Variants in LUC7L2 observed in about 807,000 individuals in gnomAD.
LUC7L2 encodes the protein putative RNA-binding protein Luc7-like 2.
Under a neutral mutation model 52.8 loss-of-function variants are expected in LUC7L2, and 25 were observed. That is an observed-to-expected ratio of 0.47 (90% CI 0.34 to 0.66). The LOEUF (loss-of-function observed/expected upper bound fraction) is 0.66. Among genes scored for constraint, LUC7L2 ranks in the 30% least tolerant of loss-of-function variants. LUC7L2 has a pLI of 0.01. For missense variants in LUC7L2, 328 were observed against 497.8 expected (o/e 0.66, Z 3.25); for synonymous variants, 144 against 160.9 (o/e 0.89, Z 0.80).
intron 1 of LUC7L2, among the ~76,000 whole-genome samples, chr7:139,366,434 C>T (rs1235774472): frequency 1.3e-5 from 2 of 152,172 alleles, no homozygotes; most frequent in East Asian, 3.8e-4. Flanking sequence ...CTGTTCTGTA[C>T]TGTGCTCTAG....
At chr7:139,349,538 T>C (rs1230997403) in intron 1 of LUC7L2, among the ~76,000 whole-genome samples, 2 of 152,032 alleles carry the variant, frequency 1.3e-5, no homozygotes, top group African/African-American at 4.8e-5. Flanking sequence ...AGTCTAGTGA[T>C]AAGTGATAAA....
chr7:139,353,112 G>A (rs1237949375), intron 1 of LUC7L2, among the ~76,000 whole-genome samples: 1 of 152,006 alleles, frequency 6.6e-6, no homozygotes. Flanking sequence ...GCAGAGAATC[G>A]CTTAAACCTG....
At chr7:139,341,539 C>G (rs1437669638) in intron 1 of LUC7L2, 9 of 1,607,112 alleles carry the variant, frequency 5.6e-6, no homozygotes, top group African/African-American at 1.3e-5. Context: ...GAGCCATGTC[C>G]CGGGTGCTCT....
intron 1 of LUC7L2, chr7:139,374,947 A>G: frequency 3.0e-6 from 3 of 988,292 alleles, no homozygotes; most frequent in Non-Finnish European, 3.6e-6. Context: ...CTCCAGGCAT[A>G]TCATGTGAAA....
intron 2 of LUC7L2, among the ~76,000 whole-genome samples, chr7:139,394,068 A>T (rs1230468808): frequency 6.6e-6 from 1 of 151,294 alleles, no homozygotes; most frequent in Non-Finnish European, 1.5e-5. Context: ...CTCTTGGAGG[A>T]AAAAAGAAGA....
chr7:139,423,369 A>T lies in LUC7L2; in HGVS notation c.*1029A>T. 3 of 399,042 alleles carry T rather than the reference A, an allele frequency of 7.5e-6. No individual in the cohort carries two copies. Among genetic ancestry groups the T allele is most frequent in the Non-Finnish European group, 1.3e-5 (3 of 226,062 alleles). 24.7% of individuals were successfully genotyped at this position (399,042 alleles called of 1,614,324 possible). A position where few individuals can be genotyped will look rare whatever the true frequency, so the allele number is the denominator to read the frequency against. ...TTCAGGGTTGTTTGTAATGACCGTTATAGAGAAGGGCTCGACCTGCAGAAG... is the reference window on the plus strand; with the variant it reads ...TTCAGGGTTGTTTGTAATGACCGTTTTAGAGAAGGGCTCGACCTGCAGAAG... On this transcript the variant is annotated 3_prime_UTR_variant, in exon 10 of 10. Coordinates refer to ENST00000354926, the MANE Select transcript of LUC7L2 (RefSeq NM_016019.5).
chr7:139,341,224 A>G (rs1193306809), intron 1 of LUC7L2: 5 of 1,310,086 alleles, frequency 3.8e-6, no homozygotes, highest in African/African-American at 1.5e-5. Flanking sequence ...CCTTCGATTA[A>G]TAAGGTTCGG....
At chr7:139,368,353 T>C in intron 1 of LUC7L2, among the ~76,000 whole-genome samples, 1 of 152,360 alleles carries the variant, frequency 6.6e-6, no homozygotes, top group South Asian at 2.1e-4. Context: ...GGTGTCTGCA[T>C]TTAAAAAAAT....
At chr7:139,340,549 T>C in intron 1 of LUC7L2, 4 of 398,376 alleles carry the variant, frequency 1.0e-5, no homozygotes, top group Non-Finnish European at 1.3e-5. Context: ...TGTGGACTTT[T>C]GTTCTCTAAC....
intron 1 of LUC7L2, among the ~76,000 whole-genome samples, chr7:139,361,119 G>C (rs1485573962): frequency 1.3e-5 from 2 of 152,212 alleles, no homozygotes; most frequent in Non-Finnish European, 2.9e-5. Flanking sequence ...TTAATTGCTG[G>C]ATTATCCTTT....
At chr7:139,365,604 G>A (rs2131188561) in intron 1 of LUC7L2, among the ~76,000 whole-genome samples, 1 of 152,066 alleles carries the variant, frequency 6.6e-6, no homozygotes, top group East Asian at 1.9e-4. Flanking sequence ...CAGGAGGGTT[G>A]AGAAGACAGG....
At chr7:139,401,116 T>C (rs1215818637) in intron 3 of LUC7L2, among the ~76,000 whole-genome samples, 5 of 152,204 alleles carry the variant, frequency 3.3e-5, no homozygotes, top group African/African-American at 1.2e-4. Flanking sequence ...AAATGTCTTA[T>C]ATAAATATTG....
intron 2 of LUC7L2, among the ~76,000 whole-genome samples, chr7:139,397,511 C>CTTAATA (rs1794714748): frequency 6.6e-6 from 1 of 152,206 alleles, no homozygotes; most frequent in Admixed American, 6.5e-5. Context: ...CAAGTGGGAA[C>CTTAATA]TTAATAGTCA....
At chr7:139,374,822 C>T in intron 1 of LUC7L2, 1 of 1,083,580 alleles carries the variant, frequency 9.2e-7, no homozygotes, top group South Asian at 3.1e-5. Context: ...TTAAGTTAAG[C>T]TCTTTAGTAT....
At chr7:139,401,159 C>T (rs948605783) in intron 3 of LUC7L2, among the ~76,000 whole-genome samples, 4 of 151,258 alleles carry the variant, frequency 2.6e-5, no homozygotes, top group Non-Finnish European at 5.9e-5. Flanking sequence ...CTAAAATTCT[C>T]AATGGTTTAT....
chr7:139,406,985 T>C (rs986447336), intron 5 of LUC7L2, among the ~76,000 whole-genome samples, 189 bp from the exon 6 acceptor site: 1 of 144,176 alleles, frequency 6.9e-6, no homozygotes, highest in Admixed American at 7.1e-5. Flanking sequence ...CATAACAAAA[T>C]AGCCATGCTT....
At chr7:139,385,942 A>C (rs1794174740) in intron 2 of LUC7L2, among the ~76,000 whole-genome samples, 1 of 152,248 alleles carries the variant, frequency 6.6e-6, no homozygotes, top group Non-Finnish European at 1.5e-5. Flanking sequence ...TGGAGTTATA[A>C]ATACATCATT....
chr7:139,358,485 C>T (rs183964592), upstream of LUC7L2, among the ~76,000 whole-genome samples: 1 of 120,060 alleles, frequency 8.3e-6, no homozygotes, highest in Non-Finnish European at 1.6e-5. Context: ...TTTATTAACT[C>T]ATTCTTCTTA....
intron 9 of LUC7L2, among the ~76,000 whole-genome samples, chr7:139,419,432 C>T (rs751962859): frequency 1.3e-5 from 2 of 152,226 alleles, no homozygotes; most frequent in African/African-American, 2.4e-5. Context: ...TTGTAGGCCT[C>T]TTATCTCACA....
Sources: gnomAD v4.1 joint callset for allele counts (sites outside exome capture counted in the v4.1 genomes callset) on GRCh38, gnomAD v4.1.1 for gene constraint, MANE v1.5 for transcripts, NCBI Gene and HGNC (gene_info 2026-07-23, HGNC 2026-07-21) for gene names.